The following METTL15 variants were observed in gnomAD, a reference collection of about 807,000 sequenced individuals.
The protein encoded by METTL15 is 12S rRNA N(4)-cytidine methyltransferase METTL15.
METTL15 carries 34 observed loss-of-function variants against 38.3 expected under a neutral mutation model. The ratio of observed to expected loss-of-function variants is 0.89; its 90% CI spans 0.68 to 1.18. The LOEUF (loss-of-function observed/expected upper bound fraction) is 1.18. Ranked by LOEUF, METTL15 falls within the 50% of genes most tolerant of loss-of-function variation. The pLI, the probability that METTL15 is intolerant of heterozygous loss-of-function variation, is 0.00. For missense variants in METTL15, 438 were observed against 498.4 expected, an observed-to-expected ratio of 0.88 and a Z score of 1.15; for synonymous variants, 162 against 170.9, an observed-to-expected ratio of 0.95 and a Z score of 0.41.
chr11:28,184,277 T>G (rs1404696544), intron 3 of METTL15, among the ~76,000 whole-genome samples: 2 of 152,112 alleles, frequency 1.3e-5, no homozygotes, highest in Non-Finnish European at 2.9e-5. Flanking sequence ...TGCTCTGATC[T>G]TAGTTATTTC....
chr11:28,262,720 T>C (rs1487429207), intron 4 of METTL15, among the ~76,000 whole-genome samples: 1 of 152,148 alleles, frequency 6.6e-6, no homozygotes. Flanking sequence ...TATGCCATCT[T>C]TCCTGAGCCA....
At chr11:28,429,610 T>C (rs78644322) in intron 6 of METTL15, among the ~76,000 whole-genome samples, 11,356 of 59,752 alleles carry the variant, frequency 0.19, 1,101 homozygotes, top group Middle Eastern at 0.23. Context: ...CCGCCAGCCT[T>C]GGCCTCCCGA....
At chr11:28,507,876 C>A (rs938436374) in intron 6 of METTL15, among the ~76,000 whole-genome samples, 5 of 152,166 alleles carry the variant, frequency 3.3e-5, no homozygotes, top group African/African-American at 1.2e-4. Context: ...TTACTCCATT[C>A]CAGTTCTCCT....
intron 6 of METTL15, among the ~76,000 whole-genome samples, chr11:28,432,754 T>A (rs7479686): frequency 0.42 from 64,578 of 152,000 alleles, 15,051 homozygotes; most frequent in Admixed American, 0.54. Flanking sequence ...TAGGGACATA[T>A]TCAATGAATT....
At chr11:28,199,336 A>G (rs1308346852) in intron 3 of METTL15, among the ~76,000 whole-genome samples, 5 of 152,044 alleles carry the variant, frequency 3.3e-5, no homozygotes, top group South Asian at 4.1e-4. Context: ...GTAGCTATCA[A>G]TTTTTCTTAT....
At chr11:28,208,883 C>T (rs895304622) in intron 3 of METTL15, among the ~76,000 whole-genome samples, 1 of 151,974 alleles carries the variant, frequency 6.6e-6, no homozygotes, top group African/African-American at 2.4e-5. Context: ...ATGTGATGAA[C>T]AATGAATATT....
At chr11:28,160,917 T>C (rs1233701372) in intron 3 of METTL15, among the ~76,000 whole-genome samples, 1 of 151,982 alleles carries the variant, frequency 6.6e-6, no homozygotes, top group Non-Finnish European at 1.5e-5. Flanking sequence ...CCCAACATCC[T>C]TTTTTTATAA....
At chr11:28,355,175 T>A (rs1850078714) in intron 4 of METTL15, among the ~76,000 whole-genome samples, 1 of 152,202 alleles carries the variant, frequency 6.6e-6, no homozygotes, top group Non-Finnish European at 1.5e-5. Flanking sequence ...TATCCCAACT[T>A]GTATTAACTG....
chr11:28,321,304 C>G (rs182349610), intron 6 of METTL15, among the ~76,000 whole-genome samples: 1 of 152,092 alleles, frequency 6.6e-6, no homozygotes, highest in Non-Finnish European at 1.5e-5. Flanking sequence ...AAGTGTTTTA[C>G]CCCACATCAA....
At chr11:28,401,434 CAT>C (rs1351471590) in intron 5 of METTL15, among the ~76,000 whole-genome samples, 5 of 151,974 alleles carry the variant, frequency 3.3e-5, no homozygotes, top group African/African-American at 1.2e-4. Context: ...GGTCTTCTCT[CAT>C]ATGTGTGTGA....
intron 3 of METTL15, among the ~76,000 whole-genome samples, chr11:28,152,360 G>A (rs1243618935): frequency 6.6e-6 from 1 of 151,876 alleles, no homozygotes. Context: ...CAAATGGATG[G>A]TGAGGAGGAA....
At chr11:28,424,279 T>G (rs1325646274) in intron 5 of METTL15, 1 of 152,188 alleles carries the variant, frequency 6.6e-6, no homozygotes, top group Non-Finnish European at 1.5e-5. Flanking sequence ...TTCCTGAACA[T>G]TTGCCCTTTC....
At chr11:28,246,438 C>T (rs1854516093) in intron 4 of METTL15, among the ~76,000 whole-genome samples, 1 of 151,958 alleles carries the variant, frequency 6.6e-6, no homozygotes, top group Non-Finnish European at 1.5e-5. Flanking sequence ...TTTATTTTGG[C>T]TTGGGGGTCA....
At chr11:28,115,007 T>A (rs756009789) in intron 3 of METTL15, among the ~76,000 whole-genome samples, 5 of 152,228 alleles carry the variant, frequency 3.3e-5, no homozygotes, top group Non-Finnish European at 7.4e-5. Context: ...GACAAAGATA[T>A]GAATCTGAAT....
chr11:28,502,264 T>C (rs1467895297), intron 6 of METTL15, among the ~76,000 whole-genome samples: 1 of 152,086 alleles, frequency 6.6e-6, no homozygotes, highest in Admixed American at 6.6e-5. Context: ...AAAAAAAGGT[T>C]TTTAATCAGG....
At chr11:28,174,057 G>A (rs960698358) in intron 3 of METTL15, among the ~76,000 whole-genome samples, 1 of 152,238 alleles carries the variant, frequency 6.6e-6, no homozygotes, top group Admixed American at 6.5e-5. Flanking sequence ...CTTTTGCCAT[G>A]CTGTACTCTT....
chr11:28,162,613 T>C (rs1299356644), intron 3 of METTL15, among the ~76,000 whole-genome samples: 1 of 152,180 alleles, frequency 6.6e-6, no homozygotes, highest in Non-Finnish European at 1.5e-5. Context: ...AAGTCAAAAA[T>C]GTATTGAATA....
intron 3 of METTL15, among the ~76,000 whole-genome samples, chr11:28,129,407 C>CTTTTT (rs71449170): frequency 3.5e-5 from 5 of 143,770 alleles, no homozygotes; most frequent in Non-Finnish European, 4.6e-5. Context: ...TATAAAATTA[C>CTTTTT]TTTTTTTTTT....
chr11:28,411,749 A>G (rs1244091231), intron 5 of METTL15, among the ~76,000 whole-genome samples: 2 of 152,100 alleles, frequency 1.3e-5, no homozygotes, highest in Non-Finnish European at 2.9e-5. Flanking sequence ...TAATGGGACT[A>G]CATTAAACTA....
Sources: gnomAD v4.1 joint callset for allele counts (sites outside exome capture counted in the v4.1 genomes callset) on GRCh38, gnomAD v4.1.1 for gene constraint, MANE v1.5 for transcripts, NCBI Gene and HGNC (gene_info 2026-07-23, HGNC 2026-07-21) for gene names.